Variants in FAM83B observed in about 807,000 individuals in gnomAD.
The protein encoded by FAM83B is protein FAM83B.
FAM83B carries 26 observed loss-of-function variants against 38.8 expected under a neutral mutation model. The observed-to-expected ratio is 0.67, with a 90% CI of 0.49 to 0.93. The LOEUF (loss-of-function observed/expected upper bound fraction) is 0.93, where lower values mean the gene tolerates loss of function less well. Among genes scored for constraint, FAM83B ranks in the 40% least tolerant of loss-of-function variants. The probability of loss-of-function intolerance (pLI) is 0.00; values close to 1 mark genes in which losing one functional copy is unlikely to be tolerated. For missense variants in FAM83B, 1,237 were observed against 1,197.3 expected, an observed-to-expected ratio of 1.03 and a Z score of -0.49; for synonymous variants, 419 against 423.1, an observed-to-expected ratio of 0.99 and a Z score of 0.12.
chr6:54,849,420 A>T (rs1472135078), intron 1 of FAM83B, among the ~76,000 whole-genome samples: 1 of 150,930 alleles, frequency 6.6e-6, no homozygotes, highest in Admixed American at 6.6e-5. Flanking sequence ...TGGAAAGGAT[A>T]TACGTGGAGG....
intron 1 of FAM83B, among the ~76,000 whole-genome samples, chr6:54,863,485 A>G (rs1771633116): frequency 6.6e-6 from 1 of 151,764 alleles, no homozygotes; most frequent in Non-Finnish European, 1.5e-5. Context: ...GAAGTTTTAC[A>G]ACCAATAAGT....
chr6:54,921,890 TAA>T (rs112085812), intron 2 of FAM83B, among the ~76,000 whole-genome samples: 1 of 149,780 alleles, frequency 6.7e-6, no homozygotes, highest in Non-Finnish European at 1.5e-5. Context: ...ACCCATCATT[TAA>T]AAAAAAAAGT....
Position 54,885,786 on chromosome 6 carries a change from G to A in FAM83B, c.444+15096G>A, listed in dbSNP as rs887791003. Among the ~76,000 whole-genome samples, 3 of 148,606 alleles carry A rather than the reference G, an allele frequency of 2.0e-5. No homozygotes were observed. The East Asian group carries it at 6.1e-4, about 30-fold the overall frequency. On this transcript the variant is annotated intron_variant, in intron 2 of 4. Coordinates refer to ENST00000306858, the MANE Select transcript of FAM83B (RefSeq NM_001010872.3). ...GAAGAATGAGAACACATGGACACAG[G>A]AAGGGGAACATCACACACCGGGGAC...
At chr6:54,894,236 G>T (rs1393667914) in intron 2 of FAM83B, among the ~76,000 whole-genome samples, 1 of 152,192 alleles carries the variant, frequency 6.6e-6, no homozygotes, top group Non-Finnish European at 1.5e-5. Context: ...GATTTAAGTG[G>T]TTCTTGCAAG....
chr6:54,895,980 C>T (rs1772522487), intron 2 of FAM83B, among the ~76,000 whole-genome samples: 1 of 152,154 alleles, frequency 6.6e-6, no homozygotes, highest in Non-Finnish European at 1.5e-5. Context: ...CCACCTCTGC[C>T]TCCTGGGTTC....
intron 4 of FAM83B, among the ~76,000 whole-genome samples, chr6:54,929,560 T>A (rs1246381747): frequency 3.9e-5 from 6 of 152,194 alleles, no homozygotes; most frequent in Admixed American, 1.3e-4. Flanking sequence ...AACTGAGAGA[T>A]AATTTTATAG....
At chr6:54,931,830 A>G (rs1170356596) in intron 4 of FAM83B, among the ~76,000 whole-genome samples, 1 of 151,468 alleles carries the variant, frequency 6.6e-6, no homozygotes. Context: ...AGGACTTACT[A>G]TTGTCATTTT....
intron 4 of FAM83B, 42 bp from the exon 5 acceptor site, chr6:54,939,664 C>G: frequency 1.3e-6 from 2 of 1,499,708 alleles, no homozygotes; most frequent in Non-Finnish European, 1.8e-6. Context: ...ATGTTATTAT[C>G]AATCTTTTAA....
At chr6:54,881,521 T>C (rs9475055) in intron 2 of FAM83B, among the ~76,000 whole-genome samples, 7,341 of 152,072 alleles carry the variant, frequency 0.048, 622 homozygotes, top group African/African-American at 0.17. Flanking sequence ...TTTGGCTAAA[T>C]ATCAATCCAA....
intron 2 of FAM83B, among the ~76,000 whole-genome samples, chr6:54,904,206 T>G (rs1256510242): frequency 6.6e-6 from 1 of 152,158 alleles, no homozygotes; most frequent in African/African-American, 2.4e-5. Context: ...CTTTACAAAG[T>G]AGTTGGTCTT....
intron 2 of FAM83B, among the ~76,000 whole-genome samples, chr6:54,899,117 C>T (rs1772601026): frequency 1.3e-5 from 2 of 151,966 alleles, no homozygotes; most frequent in Non-Finnish European, 2.9e-5. Context: ...ATAGTAAATG[C>T]CCAGCATATT....
rs1202605083 is a variant in FAM83B, at chr6:54,941,808, C to G, written c.2837C>G (p.Ser946Cys). 2.5e-6 allele frequency: 4 copies of G among 1,614,040 alleles called. No individual in the cohort carries two copies. The highest frequency in any genetic ancestry group is 3.4e-6 in the Non-Finnish European group (4 of 1,179,982). The change falls in exon 5 of 5, where the codon TCT becomes TGT. Residue 946 changes from serine to cysteine, a missense_variant. Transcript: ENST00000306858. ...RFEPFCKIESSIQPTSNMPNT... is the reference protein window; with the variant it reads ...RFEPFCKIESCIQPTSNMPNT... ...GAGCCGTTTTGTAAGATTGAGAGCT[C>G]TATTCAGCCAACAAGCAACATGCCA...
At chr6:54,902,888 C>T (rs12527181) in intron 2 of FAM83B, among the ~76,000 whole-genome samples, 80 of 152,226 alleles carry the variant, frequency 5.3e-4, no homozygotes, top group Admixed American at 4.5e-3. Context: ...ATGATTTGTT[C>T]AGAGTAATTG....
intron 2 of FAM83B, among the ~76,000 whole-genome samples, chr6:54,892,057 C>G (rs1282425977): frequency 6.6e-6 from 1 of 152,124 alleles, no homozygotes; most frequent in African/African-American, 2.4e-5. Context: ...TTACTTGCAA[C>G]AGTCCCCTTA....
rs775741755 is a variant in FAM83B at position 54,940,321 on chromosome 6, G to A, written c.1350G>A (p.Gln450=). ...AGAGTTTTGCCAATCGGCTTGCGCA[G>A]AGAAAAACAACAAATCTTGCAGACA... The part of the protein sequence containing the change: ...PAQSFANRLA[Q]RKTTNLADRN... Residue 450 remains glutamine, a synonymous_variant, in exon 5 of 5, where the codon CAG becomes CAA. Coordinates refer to ENST00000306858, the MANE Select transcript of FAM83B (RefSeq NM_001010872.3). 3 of 1,614,050 alleles carry A rather than the reference G, an allele frequency of 1.9e-6. No individual in the cohort carries two copies. The East Asian group carries it at 6.7e-5, about 36-fold the overall frequency.
chr6:54,940,192 T>C lies in FAM83B; in HGVS notation c.1221T>C (p.Asn407=), dbSNP rs149822989. Residue 407 remains asparagine (N), a synonymous_variant, in exon 5 of 5, where the codon AAT becomes AAC. Coordinates refer to ENST00000306858, the MANE Select transcript of FAM83B (RefSeq NM_001010872.3). ...ACCTCCTGCTTAATAGGGCTCTGAA[T>C]AGAACCAATAATCCACCTGGTAATT... ...VPYLLLNRAL[N]RTNNPPGNWK... is the part of the protein sequence containing the mutation. 1.2e-4 allele frequency: 189 copies of C among 1,614,058 alleles called. No individual in the cohort carries two copies. Among genetic ancestry groups the C allele is most frequent in the Non-Finnish European group, 1.5e-4 (180 of 1,180,002 alleles).
intron 4 of FAM83B, among the ~76,000 whole-genome samples, chr6:54,931,081 T>C (rs1005908615): frequency 6.6e-6 from 1 of 152,180 alleles, no homozygotes; most frequent in African/African-American, 2.4e-5. Context: ...AACTGTGTTG[T>C]TTAATTTCCA....
At chr6:54,858,353 A>T (rs1265173584) in intron 1 of FAM83B, among the ~76,000 whole-genome samples, 1 of 152,168 alleles carries the variant, frequency 6.6e-6, no homozygotes, top group Non-Finnish European at 1.5e-5. Flanking sequence ...CTACCTTTAG[A>T]GTAGAGTGAG....
intron 1 of FAM83B, among the ~76,000 whole-genome samples, chr6:54,865,430 A>G (rs1367570399): frequency 6.6e-6 from 1 of 152,112 alleles, no homozygotes; most frequent in Non-Finnish European, 1.5e-5. Context: ...ACCTCATCTT[A>G]ACTTGATTAC....
Sources: allele counts gnomAD v4.1 joint callset (sites outside exome capture counted in the v4.1 genomes callset), GRCh38; gene constraint gnomAD v4.1.1; transcripts MANE v1.5; gene names NCBI Gene and HGNC (gene_info 2026-07-23, HGNC 2026-07-21).